RSPO2: variants seen among roughly 807,000 people sequenced by gnomAD.
RSPO2 encodes the protein R-spondin-2.
In RSPO2, 14 loss-of-function variants were observed where a neutral mutation model predicts 30.9. The observed-to-expected ratio is 0.45, with a 90% CI of 0.30 to 0.71. RSPO2 has a LOEUF of 0.71. Ranked by LOEUF, RSPO2 falls within the 30% of genes least tolerant of loss-of-function variation. The probability of loss-of-function intolerance (pLI) is 0.08; values close to 1 mark genes in which losing one functional copy is unlikely to be tolerated. For missense variants in RSPO2, 264 were observed against 301.9 expected (o/e 0.87, Z 0.93); for synonymous variants, 107 against 96.4 (o/e 1.11, Z -0.64).
At chr8:108,063,973 C>T (rs1214569355) in intron 2 of RSPO2, among the ~76,000 whole-genome samples, 1 of 152,108 alleles carries the variant, frequency 6.6e-6, no homozygotes, top group African/African-American at 2.4e-5. Flanking sequence ...ACTGGCTAGC[C>T]ATATGTAGAA....
chr8:108,066,600 T>A (rs1299881654), intron 2 of RSPO2, among the ~76,000 whole-genome samples: 3 of 152,136 alleles, frequency 2.0e-5, no homozygotes, highest in Non-Finnish European at 4.4e-5. Context: ...GCTAAACACG[T>A]ATCAACTCTC....
chr8:107,983,219 A>T, intron 3 of RSPO2: 1 of 1,578,158 alleles, frequency 6.3e-7, no homozygotes. Context: ...TCTTGTCACA[A>T]AAAGGCTGCA....
chr8:107,912,668 G>A (rs1473231850), intron 5 of RSPO2, among the ~76,000 whole-genome samples: 4 of 152,192 alleles, frequency 2.6e-5, no homozygotes, highest in South Asian at 2.1e-4. Flanking sequence ...GAAAATTGCA[G>A]TTGAAAATAA....
chr8:108,078,954 TC>T (rs1420846685), intron 2 of RSPO2, among the ~76,000 whole-genome samples: 21 of 152,314 alleles, frequency 1.4e-4, no homozygotes, highest in Admixed American at 2.0e-4. Context: ...CTCCAGAAAT[TC>T]CAGGAGACCA....
chr8:108,018,817 C>A (rs1156774338), intron 2 of RSPO2, among the ~76,000 whole-genome samples: 1 of 152,150 alleles, frequency 6.6e-6, no homozygotes. Context: ...AATTTCATAT[C>A]TTCAAGATCT....
At chr8:107,939,728 T>A (rs1323698401) in intron 5 of RSPO2, among the ~76,000 whole-genome samples, 1 of 151,974 alleles carries the variant, frequency 6.6e-6, no homozygotes, top group Non-Finnish European at 1.5e-5. Flanking sequence ...TTGCCTGCAT[T>A]CTGGCAACAT....
intron 5 of RSPO2, among the ~76,000 whole-genome samples, chr8:107,901,809 G>A (rs570216403): frequency 1.3e-5 from 2 of 152,202 alleles, no homozygotes; most frequent in Non-Finnish European, 2.9e-5. Context: ...TTAATGGAGA[G>A]CAAGAAGAAT....
At chr8:107,910,903 A>T (rs773488193) in intron 5 of RSPO2, among the ~76,000 whole-genome samples, 2 of 152,114 alleles carry the variant, frequency 1.3e-5, no homozygotes, top group Non-Finnish European at 2.9e-5. Flanking sequence ...ATTTTTAAAA[A>T]ATTTTAAAAT....
chr8:108,014,454 T>A (rs1003972285), intron 2 of RSPO2, among the ~76,000 whole-genome samples: 4 of 152,086 alleles, frequency 2.6e-5, no homozygotes, highest in African/African-American at 7.2e-5. Flanking sequence ...TAAATGCCCA[T>A]CAATGATAGA....
At chr8:108,003,309 ATATTTTTTTT>A (rs1815338573) in intron 2 of RSPO2, among the ~76,000 whole-genome samples, 2 of 16,926 alleles carry the variant, frequency 1.2e-4, no homozygotes, top group African/African-American at 2.4e-4. Context: ...ATATATATAT[ATATTTTTTTT>A]TTTTTTTTTT....
chr8:107,980,068 T>TAC (rs1814370003), intron 3 of RSPO2, among the ~76,000 whole-genome samples: 3 of 152,192 alleles, frequency 2.0e-5, no homozygotes, highest in Admixed American at 1.3e-4. Context: ...CTCTTACTCT[T>TAC]ACTCACCCTA....
rs142223460 is a variant in RSPO2 at position 108,075,060 on chromosome 8, T to C, written c.94+7485A>G. On this transcript the variant is annotated intron_variant, in intron 2 of 5. Coordinates refer to ENST00000276659, the MANE Select transcript of RSPO2 (RefSeq NM_178565.5). ...TTTTCCTGTACTTATATTATTAATA[T>C]GAGTATATAGAAGGCAAATACCACT... Among the ~76,000 whole-genome samples, 15 of 152,368 alleles carry C rather than the reference T, an allele frequency of 9.8e-5. 1 individual carries two copies. The East Asian group carries it at 2.9e-3, about 29-fold the overall frequency.
At chr8:108,067,140 T>G (rs1274233782) in intron 2 of RSPO2, among the ~76,000 whole-genome samples, 1 of 152,120 alleles carries the variant, frequency 6.6e-6, no homozygotes, top group Non-Finnish European at 1.5e-5. Context: ...GAAAACTGAG[T>G]GGGAAGGAAG....
intron 2 of RSPO2, among the ~76,000 whole-genome samples, chr8:107,994,335 C>T (rs772279567): frequency 6.6e-6 from 1 of 152,076 alleles, no homozygotes; most frequent in Non-Finnish European, 1.5e-5. Context: ...CTTACAATTA[C>T]ACCTCTTTTG....
At chr8:107,999,714 C>T (rs1416244919) in intron 2 of RSPO2, among the ~76,000 whole-genome samples, 1 of 152,060 alleles carries the variant, frequency 6.6e-6, no homozygotes, top group Non-Finnish European at 1.5e-5. Flanking sequence ...AAATTACAGG[C>T]ATGAGCCACC....
intron 2 of RSPO2, among the ~76,000 whole-genome samples, chr8:108,076,021 T>C (rs1298687384): frequency 6.6e-6 from 1 of 152,172 alleles, no homozygotes; most frequent in Non-Finnish European, 1.5e-5. Flanking sequence ...CCTTTAAGAA[T>C]AGCCCAGAAA....
chr8:108,018,626 C>A (rs1380613526), intron 2 of RSPO2, among the ~76,000 whole-genome samples: 1 of 152,158 alleles, frequency 6.6e-6, no homozygotes, highest in Non-Finnish European at 1.5e-5. Context: ...AATTAAATTT[C>A]TTTGTTCCCC....
intron 5 of RSPO2, among the ~76,000 whole-genome samples, chr8:107,923,021 G>A (rs1341249817): frequency 6.6e-6 from 1 of 152,176 alleles, no homozygotes; most frequent in African/African-American, 2.4e-5. Context: ...ATAGGAACAG[G>A]CAAAGATTTC....
At chr8:107,933,387 TTC>T (rs1299383680) in intron 5 of RSPO2, among the ~76,000 whole-genome samples, 1 of 152,200 alleles carries the variant, frequency 6.6e-6, no homozygotes, top group Non-Finnish European at 1.5e-5. Flanking sequence ...AAATTATCCA[TTC>T]TCTTTCATTT....
Sources: allele counts gnomAD v4.1 joint callset (sites outside exome capture counted in the v4.1 genomes callset), GRCh38; gene constraint gnomAD v4.1.1; transcripts MANE v1.5; gene names NCBI Gene and HGNC (gene_info 2026-07-23, HGNC 2026-07-21).